Variants in CCDC82 observed in about 807,000 individuals in gnomAD.
CCDC82 encodes the protein coiled-coil domain containing 82.
Under a neutral mutation model 60.6 loss-of-function variants are expected in CCDC82, and 47 were observed. That is an observed-to-expected ratio of 0.77 (90% confidence interval 0.61 to 0.99). CCDC82 has a LOEUF of 0.99. Among genes scored for constraint, CCDC82 ranks in the 50% least tolerant of loss-of-function variants. The probability of loss-of-function intolerance (pLI) is 0.00; values close to 1 mark genes in which losing one functional copy is unlikely to be tolerated. For missense variants in CCDC82, 588 were observed against 633.0 expected, an observed-to-expected ratio of 0.93 and a Z score of 0.76; for synonymous variants, 212 against 207.4, an observed-to-expected ratio of 1.02 and a Z score of -0.19.
Position 96,353,552 on chromosome 11 carries a change from TAAAATGTACA to T in CCDC82, c.*84_*93del. ...AAATATTTTGCCATGAAGATATAGA[TAAAATGTACA>T]AACATGTCACATGATACAGAAAAAC... On this transcript the variant is annotated 3_prime_UTR_variant, in exon 10 of 10. Coordinates refer to ENST00000646818, the MANE Select transcript of CCDC82 (RefSeq NM_024725.4). The T allele has an allele frequency of 2.0e-6, 2 of 983,018 alleles. No individual in the cohort carries two copies. Among genetic ancestry groups the T allele is most frequent in the Non-Finnish European group, 3.2e-6 (2 of 630,094 alleles). The allele number at this position is 983,018 out of a possible 1,614,324, so 60.9% of individuals were successfully genotyped here. A position where few individuals can be genotyped will look rare whatever the true frequency, so the allele number is the denominator to read the frequency against.
intron 7 of CCDC82, among the ~76,000 whole-genome samples, chr11:96,370,212 G>T (rs541932716): frequency 1.3e-5 from 2 of 152,248 alleles, no homozygotes; most frequent in East Asian, 3.9e-4. Flanking sequence ...AAGAACTAAT[G>T]ATTTAAGTGC....
chr11:96,371,112 T>C lies in CCDC82; in HGVS notation c.1110A>G (p.Ala370=), dbSNP rs141178855. ...LYDGTRQKSY[A]KDMLTSLHYL... is the part of the protein sequence containing the mutation. ...AATGAAGAGATGTTAGCATATCTTT[T>C]GCATATGATTTTTGCCTTGTGCCAT... is the stretch of plus-strand genomic sequence containing the variant. The change falls in exon 7 of 10, where the codon GCA becomes GCG. Residue 370 remains alanine, a synonymous_variant. Transcript: ENST00000646818. The C allele has an allele frequency of 3.1e-6, 5 of 1,596,640 alleles. No individual in the cohort carries two copies. Among genetic ancestry groups the C allele is most frequent in the Non-Finnish European group, 2.6e-6 (3 of 1,171,908 alleles).
chr11:96,384,514 T>A lies in CCDC82; in HGVS notation c.234A>T (p.Thr78=). 6.2e-7 allele frequency: 1 copy of A among 1,613,838 alleles called. No individual in the cohort carries two copies. The highest frequency in any genetic ancestry group is 8.5e-7 in the Non-Finnish European group (1 of 1,179,826). ...DSNKGPDCNK[T]PGSERELNLS... ...AGTTGAGCTCTCTTTCACTTCCTGGTGTTTTATTACAATCAGGTCCCTTGT... is the reference window on the plus strand; with the variant it reads ...AGTTGAGCTCTCTTTCACTTCCTGGAGTTTTATTACAATCAGGTCCCTTGT... The change falls in exon 4 of 10, where the codon ACA becomes ACT. Residue 78 remains threonine, a synonymous_variant. Coordinates refer to ENST00000646818, the MANE Select transcript of CCDC82 (RefSeq NM_024725.4).
chr11:96,384,544 A>C lies in CCDC82; in HGVS notation c.204T>G (p.Asp68Glu). 6.2e-7 allele frequency: 1 copy of C among 1,613,610 alleles called. No individual in the cohort carries two copies. The highest frequency in any genetic ancestry group is 8.5e-7 in the Non-Finnish European group (1 of 1,179,740). Residue 68 changes from aspartate to glutamate, a missense_variant, in exon 4 of 10, where the codon GAT becomes GAG. Transcript: ENST00000646818. ...TATTACAATCAGGTCCCTTGTTACT[A>C]TCAAGCTCTTCATCATTTTCAAAAC... ...DESFENDEEL[D>E]SNKGPDCNKT...
rs925800238 is a variant in CCDC82 at position 96,357,573 on chromosome 11, C to T, written c.1566+1420G>A. 8 of 985,118 alleles carry T rather than the reference C, an allele frequency of 8.1e-6. No individual in the cohort carries two copies. In the South Asian group the frequency reaches 2.3e-4, roughly 29 times the overall value. 61.0% of individuals were successfully genotyped at this position (985,118 alleles called of 1,614,324 possible). ...TTCTAGGATACATGATTTGGAAATGCTTTTTTCTTCAAGAAGTTTAAAGTT... is the reference window on the plus strand; with the variant it reads ...TTCTAGGATACATGATTTGGAAATGTTTTTTTCTTCAAGAAGTTTAAAGTT... On this transcript the variant is annotated intron_variant, in intron 9 of 9. Coordinates refer to ENST00000646818, the MANE Select transcript of CCDC82 (RefSeq NM_024725.4).
intron 8 of CCDC82, among the ~76,000 whole-genome samples, chr11:96,360,995 T>C (rs1258073722): frequency 6.6e-6 from 1 of 152,270 alleles, no homozygotes; most frequent in Admixed American, 6.5e-5. Flanking sequence ...ACAGGTATTA[T>C]TGTACATGGC....
intron 9 of CCDC82, chr11:96,354,450 A>C (rs1864244516): frequency 6.6e-6 from 1 of 152,238 alleles, no homozygotes; most frequent in African/African-American, 2.4e-5. Flanking sequence ...AGAATTGAAC[A>C]ATCATTTGAC....
chr11:96,357,477 G>A, intron 9 of CCDC82: 3 of 984,740 alleles, frequency 3.0e-6, no homozygotes, highest in Non-Finnish European at 3.6e-6. Context: ...AGAATGCCAA[G>A]TGTTATGCAT....
At chr11:96,369,767 T>C (rs1427030646) in intron 7 of CCDC82, among the ~76,000 whole-genome samples, 1 of 152,178 alleles carries the variant, frequency 6.6e-6, no homozygotes, top group African/African-American at 2.4e-5. Context: ...GCCAACAGAC[T>C]TGCTCCATGC....
intron 5 of CCDC82, among the ~76,000 whole-genome samples, 160 bp from the exon 6 acceptor site, chr11:96,373,627 G>A (rs1865407052): frequency 2.0e-5 from 3 of 152,044 alleles, no homozygotes; most frequent in Admixed American, 6.6e-5. Context: ...GTTTAGTCAC[G>A]GAGCAAATCT....
chr11:96,357,500 C>A (rs1864408610), intron 9 of CCDC82: 1 of 985,178 alleles, frequency 1.0e-6, no homozygotes. Flanking sequence ...AGAATAACGT[C>A]TTTAAAATTC....
Position 96,369,541 on chromosome 11 carries a change from C to T in CCDC82, c.1209+1472G>A, listed in dbSNP as rs527836006. Among the ~76,000 whole-genome samples, 3 of 152,234 alleles carry T rather than the reference C, an allele frequency of 2.0e-5. No individual in the cohort carries two copies. The South Asian group carries it at 6.2e-4, about 32-fold the overall frequency. On this transcript the variant is annotated intron_variant, in intron 7 of 9. Transcript: ENST00000646818. ...AGAGGAAGAGAGATGGGAAAACAGC[C>T]AGTTGGTGGAGCAGTCAGCACACAC...
At position 96,384,219 on chromosome 11, in the gene CCDC82, T is replaced by C. The variant is rs1866051483; in HGVS notation, c.529A>G (p.Ile177Val). ...AGCCTTTTTCTTTTTCCTCGCTTGA[T>C]GTCTTCTTCTTCTAAATCATCCTCT... ...IIEDDLEEED[I>V]KRGKRKRLSS... Residue 177 changes from isoleucine (I) to valine (V), a missense_variant, in exon 4 of 10, where the codon ATC (isoleucine) becomes GTC (valine). By Grantham distance (29) the Ile-to-Val change is conservative. Transcript: ENST00000646818. 1 of 1,613,774 alleles carries C rather than the reference T, an allele frequency of 6.2e-7. No homozygotes were observed. Among genetic ancestry groups the C allele is most frequent in the African/African-American group, 1.3e-5 (1 of 74,906 alleles).
chr11:96,381,676 C>T (rs1303362687), intron 5 of CCDC82: 1 of 151,768 alleles, frequency 6.6e-6, no homozygotes, highest in African/African-American at 2.4e-5. Context: ...ATGTAAGTAA[C>T]GTCCTATCTC....
intron 7 of CCDC82, among the ~76,000 whole-genome samples, chr11:96,370,449 A>C (rs528847346): frequency 9.1e-4 from 139 of 152,328 alleles, no homozygotes; most frequent in African/African-American, 3.1e-3. Context: ...TGGTAGAATT[A>C]AGCAATCTTA....
At chr11:96,387,273 A>ATTATC (rs1555059056) in intron 2 of CCDC82, 4 of 152,256 alleles carry the variant, frequency 2.6e-5, no homozygotes, top group African/African-American at 9.6e-5. Flanking sequence ...ACACTAGATG[A>ATTATC]TTATCTTACA....
chr11:96,364,928 T>C lies in CCDC82; in HGVS notation c.1380+52A>G, dbSNP rs138609598. 2,004 of 1,499,140 alleles carry C rather than the reference T, an allele frequency of 1.3e-3. 3 individuals are homozygous for C. The highest frequency in any genetic ancestry group is 1.3e-3 in the Non-Finnish European group (1,449 of 1,109,898). 92.9% of individuals were successfully genotyped at this position (1,499,140 alleles called of 1,614,324 possible). On this transcript the variant is annotated intron_variant, in intron 8 of 9. Transcript: ENST00000646818. ...TCCTTAGGATACTTAGGATTATTTATGAAATAAAAATTTCTAAATACTGAA... is the reference window on the plus strand; with the variant it reads ...TCCTTAGGATACTTAGGATTATTTACGAAATAAAAATTTCTAAATACTGAA...
chr11:96,385,751 C>G lies in CCDC82; in HGVS notation c.-15+503G>C, dbSNP rs1866156420. 2 of 152,056 alleles carry G rather than the reference C, an allele frequency of 1.3e-5. 1 individual carries two copies. The highest frequency in any genetic ancestry group is 1.3e-4 in the Admixed American group (2 of 15,272). 9.4% of individuals were successfully genotyped at this position (152,056 alleles called of 1,614,324 possible). Reference sequence around the variant, plus strand: ...TTTATCATTTAGAAAAGAATGAATTCCATTAAAATTATCACAAGTATATAT... The same window carrying G: ...TTTATCATTTAGAAAAGAATGAATTGCATTAAAATTATCACAAGTATATAT... On this transcript the variant is annotated intron_variant, in intron 3 of 9. Transcript: ENST00000646818.
chr11:96,389,481 G>T (rs939252721), intron 1 of CCDC82: 1 of 152,388 alleles, frequency 6.6e-6, no homozygotes, highest in Non-Finnish European at 1.5e-5. Flanking sequence ...GCTTCGCGAT[G>T]ACGCGCGCAG....
Sources: gnomAD v4.1 joint callset for allele counts (sites outside exome capture counted in the v4.1 genomes callset) on GRCh38, gnomAD v4.1.1 for gene constraint, MANE v1.5 for transcripts, NCBI Gene and HGNC (gene_info 2026-07-23, HGNC 2026-07-21) for gene names.